NPSR1: variants seen among roughly 807,000 people sequenced by gnomAD.
The protein encoded by NPSR1 is neuropeptide S receptor.
A neutral mutation model predicts 46.9 loss-of-function variants in NPSR1; 48 were observed. That is an observed-to-expected ratio of 1.02 (90% CI 0.81 to 1.30). The LOEUF (loss-of-function observed/expected upper bound fraction) is 1.30. Ranked by LOEUF, NPSR1 falls within the 50% of genes most tolerant of loss-of-function variation. The pLI, the probability that NPSR1 is intolerant of heterozygous loss-of-function variation, is 0.00. For missense variants in NPSR1, 450 were observed against 449.5 expected, an observed-to-expected ratio of 1.00 and a Z score of -0.01; for synonymous variants, 176 against 168.1, an observed-to-expected ratio of 1.05 and a Z score of -0.36.
At chr7:34,861,585 A>G (rs1360140086) in intron 8 of NPSR1, among the ~76,000 whole-genome samples, 1 of 151,808 alleles carries the variant, frequency 6.6e-6, no homozygotes, top group Non-Finnish European at 1.5e-5. Context: ...GTTTTATTCA[A>G]TGTTGTATTC....
rs201258571 is a variant in NPSR1 at position 34,805,868 on chromosome 7, C to A, written c.385-5902C>A. ...AGAAAACAACTCATTTCAAAAACGG[C>A]CAAAAGATCTGAATAAACCCTTCAC... On this transcript the variant is annotated intron_variant, in intron 3 of 8. Coordinates refer to ENST00000360581, the MANE Select transcript of NPSR1 (RefSeq NM_207172.2). 3.8e-4 allele frequency among the ~76,000 whole-genome samples: 58 copies of A among 151,880 alleles called. 1 individual carries two copies. The East Asian group carries it at 0.011, about 29-fold the overall frequency.
intron 2 of NPSR1, among the ~76,000 whole-genome samples, chr7:34,728,054 A>AT (rs201589300): frequency 0.12 from 18,029 of 146,804 alleles, 1,370 homozygotes; most frequent in Non-Finnish European, 0.17. Flanking sequence ...AACTGCCTTT[A>AT]TTTTTTTTTT....
At chr7:34,791,072 A>ATATATGT (rs1270275377) in intron 3 of NPSR1, among the ~76,000 whole-genome samples, 1 of 98,854 alleles carries the variant, frequency 1.0e-5, no homozygotes, top group Non-Finnish European at 1.8e-5. Flanking sequence ...ATATTATATT[A>ATATATGT]TATATGTTAT....
At position 34,778,479 on chromosome 7, in the gene NPSR1, G is replaced by C; in HGVS notation, c.298G>C (p.Val100Leu). ...LAITDSFTGL[V>L]NILTDINWRF... Reference sequence around the variant, plus strand: ...TTTGTTAGATTCTTTCACAGGACTGGTCAACATCTTGACAGATATTAATTG... The same window carrying C: ...TTTGTTAGATTCTTTCACAGGACTGCTCAACATCTTGACAGATATTAATTG... The change falls in exon 3 of 9, where the codon GTC becomes CTC. Residue 100 changes from valine to leucine, a missense_variant. Coordinates refer to ENST00000360581, the MANE Select transcript of NPSR1 (RefSeq NM_207172.2). 6.2e-7 allele frequency: 1 copy of C among 1,604,906 alleles called. No homozygotes were observed.
intron 4 of NPSR1, among the ~76,000 whole-genome samples, chr7:34,815,043 GA>G (rs1215983460): frequency 1.3e-5 from 2 of 152,184 alleles, no homozygotes; most frequent in African/African-American, 4.8e-5. Flanking sequence ...GCCAGCAATG[GA>G]ACAAAGCTGG....
chr7:34,714,275 C>T lies in NPSR1; in HGVS notation c.280+29591C>T, dbSNP rs547525305. 4.6e-5 allele frequency among the ~76,000 whole-genome samples: 7 copies of T among 152,326 alleles called. No individual in the cohort carries two copies. The South Asian group carries it at 1.2e-3, about 27-fold the overall frequency. ...TGAAATTATGAAATGTCCATTCTGC[C>T]GCATTCCATTGGTTGAGGATGAGTC... On this transcript the variant is annotated intron_variant, in intron 2 of 8. Transcript: ENST00000360581.
intron 5 of NPSR1, chr7:34,834,183 A>G (rs1232198653): frequency 1.7e-6 from 1 of 578,900 alleles, no homozygotes; most frequent in Non-Finnish European, 3.1e-6. Flanking sequence ...TCCTCACTTA[A>G]GAAAGAAGTA....
chr7:34,783,812 A>C (rs1787340808), intron 3 of NPSR1, among the ~76,000 whole-genome samples: 1 of 152,152 alleles, frequency 6.6e-6, no homozygotes, highest in Admixed American at 6.6e-5. Context: ...GGCTAGCAGA[A>C]AATTTCTCAG....
At chr7:34,798,154 G>C (rs1788272834) in intron 3 of NPSR1, among the ~76,000 whole-genome samples, 1 of 152,176 alleles carries the variant, frequency 6.6e-6, no homozygotes, top group Non-Finnish European at 1.5e-5. Context: ...TTGACCTATA[G>C]ATAGTTGCTC....
intron 5 of NPSR1, among the ~76,000 whole-genome samples, chr7:34,829,646 T>C (rs1790024824): frequency 6.6e-6 from 1 of 152,194 alleles, no homozygotes; most frequent in African/African-American, 2.4e-5. Context: ...CTGCAGCACA[T>C]GGACCACGCA....
intron 3 of NPSR1, among the ~76,000 whole-genome samples, chr7:34,791,641 C>T (rs892886531): frequency 6.6e-6 from 1 of 151,940 alleles, no homozygotes; most frequent in Admixed American, 6.6e-5. Flanking sequence ...AAGCTATCTA[C>T]AGATTCAATG....
intron 5 of NPSR1, among the ~76,000 whole-genome samples, chr7:34,832,015 C>T (rs1034285460): frequency 6.6e-6 from 1 of 152,168 alleles, no homozygotes; most frequent in African/African-American, 2.4e-5. Flanking sequence ...GGTAAAAGCG[C>T]CCCAGGGACC....
At chr7:34,875,953 C>T (rs1340156489) in intron 8 of NPSR1, among the ~76,000 whole-genome samples, 3 of 152,134 alleles carry the variant, frequency 2.0e-5, no homozygotes, top group Admixed American at 6.5e-5. Flanking sequence ...GCCCCACCAC[C>T]CTCCTCAGAA....
At chr7:34,695,471 A>G (rs1793471376) in intron 2 of NPSR1, among the ~76,000 whole-genome samples, 1 of 152,166 alleles carries the variant, frequency 6.6e-6, no homozygotes, top group South Asian at 2.1e-4. Flanking sequence ...GAACTTATTT[A>G]AATTAAAAAG....
intron 2 of NPSR1, among the ~76,000 whole-genome samples, chr7:34,758,651 C>T (rs934024591): frequency 1.3e-5 from 2 of 152,200 alleles, no homozygotes; most frequent in Non-Finnish European, 2.9e-5. Context: ...CAAATACCCC[C>T]ATGTACCCTG....
At chr7:34,661,623 A>G (rs184959932) in intron 1 of NPSR1, among the ~76,000 whole-genome samples, 39 of 151,810 alleles carry the variant, frequency 2.6e-4, no homozygotes, top group Non-Finnish European at 5.0e-4. Flanking sequence ...CACCCCTCTA[A>G]CCTACTCTAC....
rs933664619 is a variant in NPSR1, at chr7:34,658,251, C to T, written c.-162C>T. 1.2e-5 allele frequency: 8 copies of T among 694,470 alleles called. No individual in the cohort carries two copies. The highest frequency in any genetic ancestry group is 1.7e-5 in the Non-Finnish European group (7 of 419,108). The allele number at this position is 694,470 out of a possible 1,614,324, so 43.0% of individuals were successfully genotyped here. On this transcript the variant is annotated 5_prime_UTR_variant, in exon 1 of 9. Transcript: ENST00000360581. ...CCAAGGAGAGAGCAGCACGTAGATC[C>T]TCCCTGTCATCAGGCAGAGCTCTTC... is the stretch of plus-strand genomic sequence containing the variant.
intron 5 of NPSR1, 29 bp from the exon 6 acceptor site, chr7:34,834,355 T>C: frequency 6.3e-7 from 1 of 1,587,274 alleles, no homozygotes. Flanking sequence ...CACCAGTCAC[T>C]TTAATACTAC....
At chr7:34,754,148 G>A (rs576859616) in intron 2 of NPSR1, among the ~76,000 whole-genome samples, 28 of 152,184 alleles carry the variant, frequency 1.8e-4, no homozygotes, top group African/African-American at 6.0e-4. Context: ...GTCCTTTTCT[G>A]AGGTCTACAC....
Sources: gnomAD v4.1 joint callset for allele counts (sites outside exome capture counted in the v4.1 genomes callset) on GRCh38, gnomAD v4.1.1 for gene constraint, MANE v1.5 for transcripts, NCBI Gene and HGNC (gene_info 2026-07-23, HGNC 2026-07-21) for gene names.